Variants in PRKG1 observed in about 807,000 individuals in gnomAD.
PRKG1 encodes protein kinase cGMP-dependent 1, also known as cGMP-dependent protein kinase 1.
A neutral mutation model predicts 88.1 loss-of-function variants in PRKG1; 35 were observed. The ratio of observed to expected loss-of-function variants is 0.40; its 90% confidence interval spans 0.30 to 0.53. The LOEUF is 0.53. Among genes scored for constraint, PRKG1 ranks in the 20% least tolerant of loss-of-function variants. The pLI is 0.59. For synonymous variants in PRKG1, 303 were observed against 292.5 expected (o/e 1.04, Z -0.37); for missense variants, 540 against 839.8 (o/e 0.64, Z 4.41).
At chr10:51,882,914 C>T (rs1841472543) in intron 4 of PRKG1, among the ~76,000 whole-genome samples, 1 of 152,308 alleles carries the variant, frequency 6.6e-6, no homozygotes, top group South Asian at 2.1e-4. Flanking sequence ...TGTTTACTTT[C>T]ATGTGTCAAC....
At chr10:52,189,461 G>A (rs1839307809) in intron 9 of PRKG1, among the ~76,000 whole-genome samples, 1 of 152,138 alleles carries the variant, frequency 6.6e-6, no homozygotes, top group African/African-American at 2.4e-5. Flanking sequence ...AGACAAGCGA[G>A]CATTACTACC....
chr10:51,295,287 G>A (rs751503951), intron 2 of PRKG1, among the ~76,000 whole-genome samples: 28 of 151,940 alleles, frequency 1.8e-4, no homozygotes, highest in Non-Finnish European at 3.4e-4. Flanking sequence ...CTTTCCATTT[G>A]TCTGTGTCTT....
At chr10:51,483,009 C>CTTTT (rs149140774) in intron 3 of PRKG1, among the ~76,000 whole-genome samples, 103 of 110,454 alleles carry the variant, frequency 9.3e-4, no homozygotes, top group African/African-American at 2.2e-3. Flanking sequence ...TCTTTTCTTT[C>CTTTT]TTTTTTTTTT....
At chr10:51,019,480 T>C (rs1263536799) in intron 1 of PRKG1, among the ~76,000 whole-genome samples, 1 of 152,080 alleles carries the variant, frequency 6.6e-6, no homozygotes, top group Non-Finnish European at 1.5e-5. Flanking sequence ...CCTAACACCA[T>C]ATACAAAAAT....
At chr10:52,263,055 A>C (rs1291023589) in intron 10 of PRKG1, among the ~76,000 whole-genome samples, 1 of 152,154 alleles carries the variant, frequency 6.6e-6, no homozygotes, top group Admixed American at 6.6e-5. Flanking sequence ...TAAGTTTTAA[A>C]GAACTTTGTG....
chr10:51,519,307 G>A (rs1841675950), intron 3 of PRKG1, among the ~76,000 whole-genome samples: 1 of 152,140 alleles, frequency 6.6e-6, no homozygotes, highest in African/African-American at 2.4e-5. Flanking sequence ...AAGTAAGGTA[G>A]ATATTTCCCA....
chr10:51,936,330 A>G (rs751952221), intron 5 of PRKG1, among the ~76,000 whole-genome samples: 45 of 152,010 alleles, frequency 3.0e-4, no homozygotes, highest in Non-Finnish European at 5.0e-4. Context: ...TGGAACATTT[A>G]TTTCTCAATT....
chr10:52,122,341 A>G (rs1182539155), intron 7 of PRKG1, among the ~76,000 whole-genome samples: 2 of 152,148 alleles, frequency 1.3e-5, no homozygotes, highest in East Asian at 1.9e-4. Flanking sequence ...TCTTCTCAAC[A>G]CTGTTGCATT....
At chr10:51,401,810 C>T (rs1481172653) in intron 2 of PRKG1, among the ~76,000 whole-genome samples, 1 of 152,110 alleles carries the variant, frequency 6.6e-6, no homozygotes, top group East Asian at 1.9e-4. Flanking sequence ...AAAATAGGAA[C>T]TCTAGGTTTT....
chr10:51,525,743 A>G (rs991361135), intron 3 of PRKG1, among the ~76,000 whole-genome samples: 1 of 152,156 alleles, frequency 6.6e-6, no homozygotes, highest in Admixed American at 6.6e-5. Context: ...AGCTTATGAA[A>G]TGATAAAATA....
intron 3 of PRKG1, among the ~76,000 whole-genome samples, chr10:51,646,872 C>T (rs2132306562): frequency 1.3e-5 from 2 of 152,048 alleles, no homozygotes; most frequent in Middle Eastern, 6.8e-3. Context: ...TATATGGCCA[C>T]TTCTCTAAAT....
At chr10:51,038,958 A>G (rs2132755239) in intron 1 of PRKG1, among the ~76,000 whole-genome samples, 1 of 152,318 alleles carries the variant, frequency 6.6e-6, no homozygotes, top group South Asian at 2.1e-4. Context: ...AAGAAGAAAA[A>G]CACATTTTAG....
intron 5 of PRKG1, among the ~76,000 whole-genome samples, chr10:51,933,937 A>T (rs957164495): frequency 6.6e-6 from 1 of 152,170 alleles, no homozygotes; most frequent in African/African-American, 2.4e-5. Context: ...ATCATCTTAA[A>T]AAATAGTTAG....
chr10:51,779,566 T>A (rs1564643506), intron 3 of PRKG1, among the ~76,000 whole-genome samples: 1 of 152,154 alleles, frequency 6.6e-6, no homozygotes, highest in African/African-American at 2.4e-5. Context: ...AAAAATCATA[T>A]GATAAAATTA....
chr10:52,196,194 T>C (rs1839502320), intron 9 of PRKG1, among the ~76,000 whole-genome samples: 1 of 151,990 alleles, frequency 6.6e-6, no homozygotes, highest in African/African-American at 2.4e-5. Context: ...TTTTGGTATT[T>C]TTTAGTAGAG....
intron 2 of PRKG1, among the ~76,000 whole-genome samples, chr10:51,166,213 T>TA (rs59483704): frequency 3.4e-3 from 476 of 140,268 alleles, no homozygotes; most frequent in African/African-American, 6.5e-3. Flanking sequence ...TAAAGCCACT[T>TA]AAAAAAAAAA....
At chr10:51,014,071 G>A (rs1245868919) in intron 1 of PRKG1, among the ~76,000 whole-genome samples, 2 of 152,162 alleles carry the variant, frequency 1.3e-5, no homozygotes, top group East Asian at 1.9e-4. Context: ...ATTTTTGAGG[G>A]CAATGGAAGA....
At chr10:52,038,707 G>A (rs989636773) in intron 5 of PRKG1, among the ~76,000 whole-genome samples, 2 of 152,100 alleles carry the variant, frequency 1.3e-5, no homozygotes, top group African/African-American at 2.4e-5. Context: ...TCCCTGCGTG[G>A]TCTGACACCT....
intron 7 of PRKG1, among the ~76,000 whole-genome samples, chr10:52,087,398 C>G (rs1368454655): frequency 1.3e-5 from 2 of 152,074 alleles, no homozygotes; most frequent in South Asian, 4.1e-4. Flanking sequence ...GGTTTCTTAT[C>G]TATTAGAAAA....
Sources: allele counts gnomAD v4.1 joint callset (sites outside exome capture counted in the v4.1 genomes callset), GRCh38; gene constraint gnomAD v4.1.1; transcripts MANE v1.5; gene names NCBI Gene and HGNC (gene_info 2026-07-23, HGNC 2026-07-21).